The following DISP1 variants were observed in gnomAD, a reference collection of about 807,000 sequenced individuals.
The protein encoded by DISP1 is protein dispatched homolog 1.
DISP1 carries 30 observed loss-of-function variants against 37.3 expected under a neutral mutation model. The ratio of observed to expected loss-of-function variants is 0.80; its 90% CI spans 0.60 to 1.09. The LOEUF (loss-of-function observed/expected upper bound fraction) is 1.09, where lower values mean the gene tolerates loss of function less well. DISP1 is among the 50% of genes least tolerant of loss of function. The pLI is 0.00. For synonymous variants in DISP1, 634 were observed against 690.2 expected, an observed-to-expected ratio of 0.92 and a Z score of 1.28; for missense variants, 1,598 against 1,879.5, an observed-to-expected ratio of 0.85 and a Z score of 2.77.
intron 1 of DISP1, among the ~76,000 whole-genome samples, chr1:222,861,554 G>T (rs1297007478): frequency 6.6e-6 from 1 of 152,124 alleles, no homozygotes; most frequent in African/African-American, 2.4e-5. Context: ...TTGCTTGCTA[G>T]CCATGTCACT....
intron 1 of DISP1, among the ~76,000 whole-genome samples, chr1:222,909,165 G>A (rs1672074725): frequency 6.6e-6 from 1 of 151,790 alleles, no homozygotes; most frequent in Non-Finnish European, 1.5e-5. Context: ...AAATTATATT[G>A]TATATATAGA....
intron 4 of DISP1, among the ~76,000 whole-genome samples, chr1:222,985,653 G>T (rs1407010937): frequency 6.6e-6 from 1 of 152,120 alleles, no homozygotes; most frequent in Admixed American, 6.6e-5. Flanking sequence ...CCGTCTCGGG[G>T]TGGGGGAAAG....
At chr1:222,868,542 T>G (rs942093973) in intron 1 of DISP1, among the ~76,000 whole-genome samples, 14 of 152,290 alleles carry the variant, frequency 9.2e-5, no homozygotes, top group African/African-American at 3.1e-4. Context: ...TTTATTGTTG[T>G]ATTATTTAAT....
In DISP1 at chr1:222,911,304, T is replaced by C. The variant is rs566978882; in HGVS notation, c.-158-17126T>C. 3.3e-5 allele frequency among the ~76,000 whole-genome samples: 5 copies of C among 152,282 alleles called. No homozygotes were observed. In the South Asian group the frequency reaches 1.0e-3, roughly 32 times the overall value. Reference sequence around the variant, plus strand: ...TCATAGCATCAGAGAGAATCTTCTGTAAACCAGAGCCTGCTTCCAATTTGT... The same window carrying C: ...TCATAGCATCAGAGAGAATCTTCTGCAAACCAGAGCCTGCTTCCAATTTGT... On this transcript the variant is annotated intron_variant, in intron 1 of 8. Transcript: ENST00000675850.
chr1:222,959,759 C>A (rs1572628379), intron 3 of DISP1, among the ~76,000 whole-genome samples: 5 of 133,550 alleles, frequency 3.7e-5, no homozygotes, highest in Admixed American at 7.5e-5. Flanking sequence ...GTTATAGGCT[C>A]AAAATAAAGG....
At chr1:222,932,893 A>AAGGAT (rs1373422079) in intron 2 of DISP1, among the ~76,000 whole-genome samples, 1 of 152,026 alleles carries the variant, frequency 6.6e-6, no homozygotes, top group African/African-American at 2.4e-5. Flanking sequence ...ATGCTAAATG[A>AAGGAT]AGGATATCAC....
At chr1:222,979,924 A>G (rs1441022267) in intron 3 of DISP1, 2 of 153,004 alleles carry the variant, frequency 1.3e-5, no homozygotes, top group Non-Finnish European at 2.9e-5. Context: ...GTTCACTTAT[A>G]TATAGATGCT....
intron 1 of DISP1, among the ~76,000 whole-genome samples, chr1:222,835,431 A>G (rs1004256788): frequency 2.0e-5 from 3 of 152,220 alleles, no homozygotes; most frequent in African/African-American, 7.2e-5. Context: ...AGTGAGCACT[A>G]CTATGCTATA....
rs144098770 is a variant in DISP1, at chr1:222,978,428, G to A, written c.510-4652G>A. ...TGTAGATTCTGGATATTAGCCCGTT[G>A]TCAGATGAGTAGATTGCAAAAATTT... On this transcript the variant is annotated intron_variant, in intron 3 of 8. Coordinates refer to ENST00000675850, the MANE Select transcript of DISP1 (RefSeq NM_001377229.1). Among the ~76,000 whole-genome samples the A allele has an allele frequency of 1.1e-3, 175 of 152,286 alleles. 1 individual carries two copies. The East Asian group carries it at 0.03, about 26-fold the overall frequency.
intron 4 of DISP1, among the ~76,000 whole-genome samples, chr1:222,989,749 C>A (rs1287913706): frequency 6.6e-6 from 1 of 152,044 alleles, no homozygotes; most frequent in African/African-American, 2.4e-5. Flanking sequence ...AGTGGATATG[C>A]TCACTGTAGT....
At position 222,991,205 on chromosome 1, in the gene DISP1, A is replaced by T. The variant is rs2789957; in HGVS notation, c.664-315A>T. On this transcript the variant is annotated intron_variant, in intron 5 of 8. Transcript: ENST00000675850. Reference sequence around the variant, plus strand: ...TTGTAAAAATACAGTGCGTAACATGATTTAATTTGATCATAATTTTTATAA... The same window carrying T: ...TTGTAAAAATACAGTGCGTAACATGTTTTAATTTGATCATAATTTTTATAA... Among the ~76,000 whole-genome samples the T allele has an allele frequency of 0.3, 45,361 of 152,174 alleles. 6,852 individuals carry two copies. Among genetic ancestry groups the T allele is most frequent in the South Asian group, 0.34 (1,630 of 4,818 alleles).
At chr1:222,919,619 CTG>C (rs1212562566) in intron 1 of DISP1, among the ~76,000 whole-genome samples, 2 of 152,224 alleles carry the variant, frequency 1.3e-5, no homozygotes, top group East Asian at 1.9e-4. Flanking sequence ...ACCGTAGTAA[CTG>C]TGGCAAACCA....
chr1:222,846,417 G>C (rs1290553084), intron 1 of DISP1, among the ~76,000 whole-genome samples: 1 of 152,208 alleles, frequency 6.6e-6, no homozygotes, highest in Non-Finnish European at 1.5e-5. Context: ...CTTGAACCCG[G>C]GAGGCAGAGG....
intron 1 of DISP1, among the ~76,000 whole-genome samples, chr1:222,916,580 A>T (rs1672502647): frequency 6.6e-6 from 1 of 152,200 alleles, no homozygotes; most frequent in Admixed American, 6.5e-5. Flanking sequence ...ATATGTTAGG[A>T]TACCCTTTTG....
intron 1 of DISP1, among the ~76,000 whole-genome samples, chr1:222,923,464 C>T (rs951806771): frequency 6.6e-6 from 1 of 152,044 alleles, no homozygotes; most frequent in Admixed American, 6.6e-5. Flanking sequence ...AGCAAAGATA[C>T]AGTGGATAAA....
intron 3 of DISP1, among the ~76,000 whole-genome samples, 192 bp from the exon 4 acceptor site, chr1:222,982,888 G>T (rs886581570): frequency 4.0e-5 from 6 of 151,858 alleles, no homozygotes; most frequent in African/African-American, 1.2e-4. Flanking sequence ...GTCTCTACTA[G>T]TATGTAAAGT....
chr1:222,893,409 G>A lies in DISP1; in HGVS notation c.-158-35021G>A, dbSNP rs1222652503. ...CCTGCTGGCCTCATTCCGCCCACTC[G>A]ACCTGGCAGGCTGTGCTTGGCTCAT... On this transcript the variant is annotated intron_variant, in intron 1 of 8. Coordinates refer to ENST00000675850, the MANE Select transcript of DISP1 (RefSeq NM_001377229.1). The surrounding 1 kb of genome is among the most constrained non-coding windows in gnomAD (Gnocchi z 4.3). Among the ~76,000 whole-genome samples the A allele has an allele frequency of 7.2e-5, 11 of 152,158 alleles. No individual in the cohort carries two copies. The highest frequency in any genetic ancestry group is 1.5e-4 in the Non-Finnish European group (10 of 68,038).
intron 1 of DISP1, among the ~76,000 whole-genome samples, chr1:222,894,318 C>T (rs1671113459): frequency 6.6e-6 from 1 of 152,174 alleles, no homozygotes; most frequent in South Asian, 2.1e-4. Context: ...TAGTCCATCG[C>T]GCCCAGGCTG....
intron 2 of DISP1, among the ~76,000 whole-genome samples, chr1:222,942,488 A>G (rs572933319): frequency 2.0e-5 from 3 of 152,080 alleles, no homozygotes; most frequent in Non-Finnish European, 4.4e-5. Context: ...CTCATGCAAA[A>G]TGGTCTAGTT....
Sources: gnomAD v4.1 joint callset for allele counts (sites outside exome capture counted in the v4.1 genomes callset) on GRCh38, gnomAD v4.1.1 for gene constraint, Gnocchi (gnomAD v3.1) non-coding constraint, MANE v1.5 for transcripts, NCBI Gene and HGNC (gene_info 2026-07-23, HGNC 2026-07-21) for gene names.